Variants in DCLK3 observed in about 807,000 individuals in gnomAD.
DCLK3 encodes doublecortin like kinase 3.
Under a neutral mutation model 46.4 loss-of-function variants are expected in DCLK3, and 30 were observed. The ratio of observed to expected loss-of-function variants is 0.65; its 90% CI spans 0.48 to 0.88. DCLK3 has a LOEUF of 0.88. Among genes scored for constraint, DCLK3 ranks in the 40% least tolerant of loss-of-function variants. The probability of loss-of-function intolerance (pLI) is 0.00; values close to 1 mark genes in which losing one functional copy is unlikely to be tolerated. For missense variants in DCLK3, 846 were observed against 907.1 expected (o/e 0.93, Z 0.87); for synonymous variants, 401 against 339.2 (o/e 1.18, Z -2.00).
intron 2 of DCLK3, among the ~76,000 whole-genome samples, chr3:36,736,354 A>G (rs2125529607): frequency 6.6e-6 from 1 of 152,292 alleles, no homozygotes; most frequent in East Asian, 1.9e-4. Context: ...CACAAAGGGG[A>G]CATGTGACCT....
intron 1 of DCLK3, among the ~76,000 whole-genome samples, chr3:36,748,043 C>A (rs1220475348): frequency 6.6e-6 from 1 of 152,164 alleles, no homozygotes; most frequent in African/African-American, 2.4e-5. Flanking sequence ...TTGTATGTAT[C>A]TATTTCATTA....
intron 1 of DCLK3, among the ~76,000 whole-genome samples, chr3:36,759,443 AGCTCTGTCT>A (rs1701518735): frequency 6.6e-6 from 1 of 152,250 alleles, no homozygotes; most frequent in Non-Finnish European, 1.5e-5. Context: ...AACTGGGAGA[AGCTCTGTCT>A]ACTTGGCTAT....
rs1219638817 is a variant in DCLK3, at chr3:36,714,058, G to T, written c.*1270C>A. 6.6e-6 allele frequency: 1 copy of T among 152,148 alleles called. No homozygotes were observed. The highest frequency in any genetic ancestry group is 1.9e-4 in the East Asian group (1 of 5,194). The allele number at this position is 152,148 out of a possible 1,614,324, so 9.4% of individuals were successfully genotyped here. A position where few individuals can be genotyped will look rare whatever the true frequency, so the allele number is the denominator to read the frequency against. ...CTACAAGAAATTTCTCCTTCAATAG[G>T]TTCTAATAACCCCAACTTCTTCCCT... On this transcript the variant is annotated 3_prime_UTR_variant, in exon 5 of 5. Coordinates refer to ENST00000636136, the MANE Select transcript of DCLK3 (RefSeq NM_001394672.2).
chr3:36,742,923 C>T (rs924982197), intron 1 of DCLK3, among the ~76,000 whole-genome samples: 5 of 152,168 alleles, frequency 3.3e-5, no homozygotes, highest in African/African-American at 9.7e-5. Flanking sequence ...CACTAAGCAC[C>T]ACTGTCCAGA....
intron 2 of DCLK3, among the ~76,000 whole-genome samples, chr3:36,725,254 G>T (rs1018264704): frequency 6.7e-6 from 1 of 149,158 alleles, no homozygotes; most frequent in Admixed American, 6.7e-5. Flanking sequence ...GGAGCTTGAA[G>T]TGAGCTGAGC....
intron 2 of DCLK3, among the ~76,000 whole-genome samples, chr3:36,731,392 C>G (rs1291956632): frequency 6.6e-6 from 1 of 151,858 alleles, no homozygotes; most frequent in Non-Finnish European, 1.5e-5. Flanking sequence ...AAAAGACAAC[C>G]CTTATTTTCT....
At chr3:36,752,380 C>T (rs1012051438) in intron 1 of DCLK3, among the ~76,000 whole-genome samples, 1 of 152,164 alleles carries the variant, frequency 6.6e-6, no homozygotes. Flanking sequence ...AGAGCTGTCC[C>T]GGAATAATTA....
intron 2 of DCLK3, among the ~76,000 whole-genome samples, chr3:36,731,963 T>A (rs1054716567): frequency 4.6e-5 from 7 of 152,220 alleles, no homozygotes; most frequent in Admixed American, 1.3e-4. Context: ...CCGAATGCCC[T>A]TAAAGACTTT....
At chr3:36,725,434 C>T (rs565925667) in intron 2 of DCLK3, among the ~76,000 whole-genome samples, 6 of 152,058 alleles carry the variant, frequency 3.9e-5, no homozygotes, top group Admixed American at 3.3e-4. Context: ...CTGGGCAACA[C>T]GAGGAGACCC....
At chr3:36,752,343 C>G (rs1475529561) in intron 1 of DCLK3, among the ~76,000 whole-genome samples, 1 of 152,188 alleles carries the variant, frequency 6.6e-6, no homozygotes, top group African/African-American at 2.4e-5. Context: ...TGGCCGCACT[C>G]CCCACCCACC....
intron 2 of DCLK3, among the ~76,000 whole-genome samples, chr3:36,726,738 A>G (rs551384901): frequency 6.6e-6 from 1 of 152,262 alleles, no homozygotes; most frequent in Non-Finnish European, 1.5e-5. Context: ...AATTAACCTC[A>G]CCAAATGGAA....
At chr3:36,740,597 T>C (rs1030227778) in intron 1 of DCLK3, among the ~76,000 whole-genome samples, 1 of 152,364 alleles carries the variant, frequency 6.6e-6, no homozygotes, top group African/African-American at 2.4e-5. Flanking sequence ...ACAAGACTTT[T>C]GTATTTCCTA....
Position 36,752,903 on chromosome 3 carries a change from G to A in DCLK3, c.82+11279C>T, listed in dbSNP as rs116542758. Among the ~76,000 whole-genome samples the A allele has an allele frequency of 7.8e-3, 1,190 of 152,222 alleles. 18 individuals are homozygous for A. The highest frequency in any genetic ancestry group is 0.027 in the African/African-American group (1,134 of 41,510). On this transcript the variant is annotated intron_variant, in intron 1 of 4. Coordinates refer to ENST00000636136, the MANE Select transcript of DCLK3 (RefSeq NM_001394672.2). The stretch of plus-strand genomic sequence containing the variant: ...TTAAAAGTATTGAGCCTACCACAGT[G>A]GCATGTAGCAGACAACAAATATATG...
At position 36,713,535 on chromosome 3, in the gene DCLK3, G is replaced by A. The variant is rs1700938144; in HGVS notation, c.*1793C>T. ...AGGGGTCTGAGTCCCTGCTCCACAG[G>A]GCCCCTTCTCCAAGCTTCTGAGGTT... On this transcript the variant is annotated 3_prime_UTR_variant, in exon 5 of 5. Transcript: ENST00000636136. The A allele has an allele frequency of 6.6e-6, 1 of 152,170 alleles. No individual in the cohort carries two copies. Among genetic ancestry groups the A allele is most frequent in the South Asian group, 2.1e-4 (1 of 4,818 alleles). 9.4% of individuals were successfully genotyped at this position (152,170 alleles called of 1,614,324 possible). A position where few individuals can be genotyped will look rare whatever the true frequency, so the allele number is the denominator to read the frequency against.
At position 36,737,607 on chromosome 3, in the gene DCLK3, A is replaced by G. The variant is rs879102117; in HGVS notation, c.1560T>C (p.Asn520=). ...GGCCAGTCTCATAATGCTTTTCCACATTGGCGGCAATGATGCCCATGGGCC... is the reference window on the plus strand; with the variant it reads ...GGCCAGTCTCATAATGCTTTTCCACGTTGGCGGCAATGATGCCCATGGGCC... ...KPRPMGIIAA[N]VEKHYETGRV... is the part of the protein sequence containing the mutation. Residue 520 remains asparagine, a synonymous_variant, in exon 2 of 5, where the codon AAT becomes AAC. Coordinates refer to ENST00000636136, the MANE Select transcript of DCLK3 (RefSeq NM_001394672.2). The surrounding 1 kb of genome is among the most constrained non-coding windows in gnomAD (Gnocchi z 4.4). The G allele has an allele frequency of 3.7e-6, 6 of 1,613,998 alleles. No homozygotes were observed. In the Admixed American group the frequency reaches 8.3e-5, roughly 22 times the overall value.
chr3:36,737,909 G>A lies in DCLK3; in HGVS notation c.1258C>T (p.Pro420Ser). 2 of 1,614,030 alleles carry A rather than the reference G, an allele frequency of 1.2e-6. No individual in the cohort carries two copies. The highest frequency in any genetic ancestry group is 8.5e-7 in the Non-Finnish European group (1 of 1,180,028). ...KAKKDLVEVL[P>S]VTEEGLREVK... ...TCCCTCAGCCCCTCCTCTGTGACAG[G>A]AAGAACTTCCACAAGGTCCTTCTTG... Residue 420 changes from proline (P) to serine (S), a missense_variant, in exon 2 of 5, where the codon CCT becomes TCT. Coordinates refer to ENST00000636136, the MANE Select transcript of DCLK3 (RefSeq NM_001394672.2). This position sits in a 1 kb window ranked among gnomAD's most constrained non-coding sequence, Gnocchi z 4.4.
chr3:36,752,587 G>A (rs1418191637), intron 1 of DCLK3, among the ~76,000 whole-genome samples: 1 of 152,154 alleles, frequency 6.6e-6, no homozygotes, highest in Non-Finnish European at 1.5e-5. Context: ...ATTACCCAGA[G>A]GTGGCTGGAG....
At chr3:36,756,253 G>A (rs970680878) in intron 1 of DCLK3, among the ~76,000 whole-genome samples, 11 of 152,184 alleles carry the variant, frequency 7.2e-5, no homozygotes, top group Admixed American at 3.9e-4. Context: ...CCTTCCAGAG[G>A]GGCAAGGAAA....
At chr3:36,730,085 G>A (rs149438657) in intron 2 of DCLK3, among the ~76,000 whole-genome samples, 1 of 151,972 alleles carries the variant, frequency 6.6e-6, no homozygotes, top group Non-Finnish European at 1.5e-5. Context: ...AGGCTAAGGT[G>A]GGGGGAGTCT....
Sources: allele counts gnomAD v4.1 joint callset (sites outside exome capture counted in the v4.1 genomes callset), GRCh38; gene constraint gnomAD v4.1.1; non-coding constraint Gnocchi (gnomAD v3.1); transcripts MANE v1.5; gene names NCBI Gene and HGNC (gene_info 2026-07-23, HGNC 2026-07-21).